CEP135: variants seen among roughly 807,000 people sequenced by gnomAD.
The protein encoded by CEP135 is centrosomal protein of 135 kDa.
In CEP135, 142 loss-of-function variants were observed where a neutral mutation model predicts 157.3. That is an observed-to-expected ratio of 0.90 (90% CI 0.79 to 1.04). CEP135 has a LOEUF of 1.04. Ranked by LOEUF, CEP135 falls within the 50% of genes least tolerant of loss-of-function variation. The probability of loss-of-function intolerance (pLI) is 0.00; values close to 1 mark genes in which losing one functional copy is unlikely to be tolerated. For missense variants in CEP135, 1,317 were observed against 1,309.2 expected (o/e 1.01, Z -0.09); for synonymous variants, 396 against 439.8 (o/e 0.90, Z 1.25).
At chr4:56,029,553 G>A (rs1370835322) in intron 25 of CEP135, among the ~76,000 whole-genome samples, 1 of 152,286 alleles carries the variant, frequency 6.6e-6, no homozygotes. Context: ...AACAACAGGG[G>A]ATATGTTCTG....
Position 56,031,487 on chromosome 4 carries a change from A to C in CEP135, c.*139A>C, listed in dbSNP as rs1412702686. 6.6e-6 allele frequency: 1 copy of C among 152,626 alleles called. No individual in the cohort carries two copies. The highest frequency in any genetic ancestry group is 1.5e-5 in the Non-Finnish European group (1 of 68,036). 9.5% of individuals were successfully genotyped at this position (152,626 alleles called of 1,614,324 possible). On this transcript the variant is annotated 3_prime_UTR_variant, in exon 26 of 26. Coordinates refer to ENST00000257287, the MANE Select transcript of CEP135 (RefSeq NM_025009.5). ...ATTCTACCTCTGTCAACTTTTATTT[A>C]AATCAGTGAATATGTTAAAAAGTTT... is the stretch of plus-strand genomic sequence containing the variant.
At chr4:55,997,550 A>AT (rs1173434852) in intron 15 of CEP135, among the ~76,000 whole-genome samples, 2 of 152,146 alleles carry the variant, frequency 1.3e-5, no homozygotes, top group Non-Finnish European at 2.9e-5. Context: ...CCTGGCAGGC[A>AT]TTTTCTCTTT....
intron 12 of CEP135, 66 bp from the exon 13 acceptor site, chr4:55,981,161 A>G (rs1042601163): frequency 6.2e-6 from 9 of 1,453,702 alleles, no homozygotes; most frequent in African/African-American, 6.0e-5. Flanking sequence ...AAACATATCC[A>G]AAGTATTTTT....
chr4:55,957,235 G>C lies in CEP135; in HGVS notation c.485G>C (p.Arg162Thr), dbSNP rs781077695. 6 of 1,613,278 alleles carry C rather than the reference G, an allele frequency of 3.7e-6. No homozygotes were observed. In the Admixed American group the frequency reaches 8.4e-5, roughly 22 times the overall value. Residue 162 changes from arginine (R) to threonine (T), a missense_variant, in exon 5 of 26, where the codon AGA becomes ACA. Physicochemically the swap from Arg to Thr is moderately conservative, Grantham distance 71. Transcript: ENST00000257287. Reference protein sequence around the residue: ...AVVQTPGGKKRSIAFRRQRMQ... With the variant: ...AVVQTPGGKKTSIAFRRQRMQ... ...TCATTCTTTTTAGGTGGCAAGAAAA[G>C]AAGTATTGCTTTCAGGCGCCAGCGT...
intron 17 of CEP135, among the ~76,000 whole-genome samples, chr4:56,006,253 T>G (rs1730342719): frequency 6.6e-6 from 1 of 152,202 alleles, no homozygotes; most frequent in African/African-American, 2.4e-5. Flanking sequence ...GTAGGCAATT[T>G]TTGTTCCTTT....
chr4:55,981,136 G>C, intron 12 of CEP135, 91 bp from the exon 13 acceptor site: 1 of 1,175,144 alleles, frequency 8.5e-7, no homozygotes, highest in South Asian at 1.6e-5. Context: ...TGTTCAGTAT[G>C]CCTTTTTTAA....
chr4:55,952,293 C>A, intron 2 of CEP135, 50 bp downstream of exon 2: 1 of 1,044,938 alleles, frequency 9.6e-7, no homozygotes, highest in Non-Finnish European at 1.5e-6. Context: ...AACCACTTAC[C>A]TCATTTCTGA....
chr4:55,971,617 G>C (rs1324709382), intron 10 of CEP135, among the ~76,000 whole-genome samples: 1 of 151,676 alleles, frequency 6.6e-6, no homozygotes, highest in Non-Finnish European at 1.5e-5. Flanking sequence ...AGTTTATACA[G>C]GGAGCCCTGC....
At chr4:55,980,361 A>G (rs1729360376) in intron 12 of CEP135, 66 bp downstream of exon 12, 2 of 1,022,702 alleles carry the variant, frequency 2.0e-6, no homozygotes, top group Middle Eastern at 3.2e-4. Flanking sequence ...TGGAGCCTGT[A>G]TATATCTTTC....
At chr4:55,979,199 TAAGATACCATAG>T (rs2109681402) in intron 11 of CEP135, among the ~76,000 whole-genome samples, 1 of 152,322 alleles carries the variant, frequency 6.6e-6, no homozygotes, top group East Asian at 1.9e-4. Flanking sequence ...CTTGTAACAT[TAAGATACCATAG>T]ATCCCAAGTC....
In CEP135 at chr4:56,002,546, T is replaced by G. The variant is rs560793617; in HGVS notation, c.2280+2901T>G. 1.4e-3 allele frequency among the ~76,000 whole-genome samples: 212 copies of G among 152,322 alleles called. No individual in the cohort carries two copies. In the Middle Eastern group the frequency reaches 0.017, roughly 12 times the overall value. On this transcript the variant is annotated intron_variant, in intron 17 of 25. Transcript: ENST00000257287. ...GTATCACATTTATTGATTGTGCATG[T>G]TGAACCATCCTTGCATCCTTGGGAT...
chr4:55,958,854 CAGG>C (rs1728587210), intron 5 of CEP135, among the ~76,000 whole-genome samples: 1 of 152,112 alleles, frequency 6.6e-6, no homozygotes, highest in African/African-American at 2.4e-5. Context: ...TAGGCCGAGG[CAGG>C]AGGATTGCTT....
intron 10 of CEP135, among the ~76,000 whole-genome samples, chr4:55,971,647 A>C (rs1248719574): frequency 1.3e-5 from 2 of 151,696 alleles, no homozygotes; most frequent in Non-Finnish European, 2.9e-5. Context: ...TTGCAATAGA[A>C]ATGTGTCCTT....
chr4:55,972,848 A>T (rs925299749), intron 10 of CEP135, among the ~76,000 whole-genome samples: 1 of 152,136 alleles, frequency 6.6e-6, no homozygotes, highest in Non-Finnish European at 1.5e-5. Context: ...CCTGACCCAC[A>T]TGGAGAAACC....
chr4:55,997,071 A>C (rs1729995698), intron 15 of CEP135, among the ~76,000 whole-genome samples: 1 of 152,160 alleles, frequency 6.6e-6, no homozygotes, highest in Admixed American at 6.5e-5. Flanking sequence ...GCATTTTCGA[A>C]GCTAAGAAAC....
chr4:56,004,254 T>C (rs1730274789), intron 17 of CEP135, among the ~76,000 whole-genome samples: 1 of 152,248 alleles, frequency 6.6e-6, no homozygotes, highest in African/African-American at 2.4e-5. Flanking sequence ...AGTTTTATTC[T>C]GTTTTATTCA....
At chr4:56,022,843 C>G in intron 24 of CEP135, among the ~76,000 whole-genome samples, 1 of 152,160 alleles carries the variant, frequency 6.6e-6, no homozygotes, top group South Asian at 2.1e-4. Context: ...TGCCTGTAAT[C>G]CCAGCACTTT....
intron 17 of CEP135, 137 bp downstream of exon 17, chr4:55,999,782 T>G (rs1271699420): frequency 1.3e-6 from 1 of 794,360 alleles, no homozygotes; most frequent in East Asian, 2.7e-5. Flanking sequence ...AACCCCTATC[T>G]CTTGGGCTCA....
Position 55,954,316 on chromosome 4 carries a change from C to G in CEP135, c.405C>G (p.Ser135Arg), listed in dbSNP as rs749154904. The change falls in exon 4 of 26, where the codon AGC (serine) becomes AGG (arginine). Residue 135 changes from serine (S) to arginine (R), a missense_variant. By Grantham distance (110) the Ser-to-Arg change is moderately radical. Transcript: ENST00000257287. ...AACTCAAACTGTTGGAGAAAGAGAG[C>G]AAAGCTAAGAATGAAAGAATTCAAC... ...AHKLKLLEKE[S>R]KAKNERIQQL... 1.2e-6 allele frequency: 2 copies of G among 1,610,724 alleles called. No homozygotes were observed. Among genetic ancestry groups the G allele is most frequent in the Non-Finnish European group, 1.7e-6 (2 of 1,178,692 alleles).
Sources: allele counts gnomAD v4.1 joint callset (sites outside exome capture counted in the v4.1 genomes callset), GRCh38; gene constraint gnomAD v4.1.1; transcripts MANE v1.5; gene names NCBI Gene and HGNC (gene_info 2026-07-23, HGNC 2026-07-21).